Variants in CNTNAP5 observed in about 807,000 individuals in gnomAD.
The protein encoded by CNTNAP5 is contactin-associated protein-like 5.
Under a neutral mutation model 150.2 loss-of-function variants are expected in CNTNAP5, and 72 were observed. The ratio of observed to expected loss-of-function variants is 0.48; its 90% CI spans 0.40 to 0.58. The LOEUF is 0.58. Ranked by LOEUF, CNTNAP5 falls within the 20% of genes least tolerant of loss-of-function variation. CNTNAP5 has a pLI of 0.00. For missense variants in CNTNAP5, 1,636 were observed against 1,626.2 expected (o/e 1.01, Z -0.10); for synonymous variants, 672 against 619.8 (o/e 1.08, Z -1.25).
In CNTNAP5 at chr2:124,853,512, C is replaced by T. The variant is rs140518446; in HGVS notation, c.3218-11794C>T. ...GCTCCACTGTCCTACAGTTCTACAG[C>T]TTCAGGTACGGTGAGATCCAGCTAC... On this transcript the variant is annotated intron_variant, in intron 19 of 23. Coordinates refer to ENST00000682447, the MANE Select transcript of CNTNAP5 (RefSeq NM_001367498.1). Among the ~76,000 whole-genome samples, 543 of 152,302 alleles carry T rather than the reference C, an allele frequency of 3.6e-3. 1 individual carries two copies. The highest frequency in any genetic ancestry group is 6.8e-3 in the Middle Eastern group (2 of 294).
chr2:124,337,567 G>A (rs1689505224), intron 3 of CNTNAP5, among the ~76,000 whole-genome samples: 1 of 152,240 alleles, frequency 6.6e-6, no homozygotes, highest in African/African-American at 2.4e-5. Context: ...GTAAGGAAGG[G>A]ATCCAGTTTC....
chr2:124,906,765 T>C (rs965676385), intron 22 of CNTNAP5, among the ~76,000 whole-genome samples: 1 of 152,092 alleles, frequency 6.6e-6, no homozygotes, highest in Non-Finnish European at 1.5e-5. Context: ...TTTCTATCTA[T>C]CTACTCTTCC....
At chr2:124,279,784 T>C (rs900735978) in intron 3 of CNTNAP5, among the ~76,000 whole-genome samples, 1 of 152,080 alleles carries the variant, frequency 6.6e-6, no homozygotes, top group Non-Finnish European at 1.5e-5. Flanking sequence ...TTGATGAGCT[T>C]GTGTGGTTTC....
chr2:124,837,821 C>T (rs1682861674), intron 19 of CNTNAP5, among the ~76,000 whole-genome samples: 1 of 152,138 alleles, frequency 6.6e-6, no homozygotes, highest in South Asian at 2.1e-4. Flanking sequence ...TCTTTGGCTG[C>T]TGCCTACATA....
At chr2:124,651,397 T>A (rs747295287) in intron 13 of CNTNAP5, among the ~76,000 whole-genome samples, 4 of 152,208 alleles carry the variant, frequency 2.6e-5, no homozygotes, top group African/African-American at 9.6e-5. Context: ...AATATTTAAA[T>A]GGCCAATAAT....
intron 3 of CNTNAP5, among the ~76,000 whole-genome samples, chr2:124,371,023 G>A (rs1051713675): frequency 6.6e-6 from 1 of 151,992 alleles, no homozygotes; most frequent in Non-Finnish European, 1.5e-5. Flanking sequence ...AGCGGAGACT[G>A]TTTGTGCAGA....
intron 12 of CNTNAP5, among the ~76,000 whole-genome samples, chr2:124,618,665 C>A (rs764314701): frequency 2.0e-5 from 3 of 152,096 alleles, no homozygotes; most frequent in Non-Finnish European, 4.4e-5. Flanking sequence ...TTTTAGTCAG[C>A]CTTCCTGCGC....
intron 17 of CNTNAP5, among the ~76,000 whole-genome samples, chr2:124,775,089 C>A (rs539883947): frequency 6.6e-6 from 1 of 152,200 alleles, no homozygotes; most frequent in African/African-American, 2.4e-5. Flanking sequence ...TTGAATTTGT[C>A]TTAATGTACT....
chr2:124,134,429 A>G (rs2901197), intron 1 of CNTNAP5, among the ~76,000 whole-genome samples: 45,497 of 151,982 alleles, frequency 0.3, 7,400 homozygotes, highest in Admixed American at 0.38. Flanking sequence ...GACAGAAACT[A>G]TGGAGTCTAT....
At chr2:124,390,244 T>TC (rs1691075837) in intron 3 of CNTNAP5, among the ~76,000 whole-genome samples, 1 of 152,224 alleles carries the variant, frequency 6.6e-6, no homozygotes, top group Non-Finnish European at 1.5e-5. Context: ...TAAATTTTTC[T>TC]TTGTGATTTT....
chr2:124,256,879 T>C (rs1270556539), intron 3 of CNTNAP5, among the ~76,000 whole-genome samples: 1 of 152,174 alleles, frequency 6.6e-6, no homozygotes, highest in Admixed American at 6.5e-5. Context: ...TGTGATGTTA[T>C]GTAGGAATAA....
chr2:124,919,522 G>A lies in CNTNAP5; in HGVS notation c.*5234G>A, dbSNP rs1678832451. On this transcript the variant is annotated 3_prime_UTR_variant, in exon 24 of 24. Transcript: ENST00000682447. Reference sequence around the variant, plus strand: ...TGACGAGGAGGAAGAGGGGCCAGTGGCAGTAATTGGTGGCCATCTGAGGTG... The same window carrying A: ...TGACGAGGAGGAAGAGGGGCCAGTGACAGTAATTGGTGGCCATCTGAGGTG... Among the ~76,000 whole-genome samples, 1 of 152,060 alleles carries A rather than the reference G, an allele frequency of 6.6e-6. No homozygotes were observed.
At position 124,319,922 on chromosome 2, in the gene CNTNAP5, T is replaced by G. The variant is rs1689058051; in HGVS notation, c.381+77529T>G. On this transcript the variant is annotated intron_variant, in intron 3 of 23. Transcript: ENST00000682447. ...ATAACTATATATTAAAAGGCATGCATAGAATTTTTTGTTATTCTTTGTTTA... is the reference window on the plus strand; with the variant it reads ...ATAACTATATATTAAAAGGCATGCAGAGAATTTTTTGTTATTCTTTGTTTA... Among the ~76,000 whole-genome samples, 3 of 152,378 alleles carry G rather than the reference T, an allele frequency of 2.0e-5. 1 individual carries two copies. The South Asian group carries it at 6.2e-4, about 32-fold the overall frequency.
At chr2:124,159,158 CACTT>C (rs1684615342) in intron 1 of CNTNAP5, among the ~76,000 whole-genome samples, 2 of 152,180 alleles carry the variant, frequency 1.3e-5, no homozygotes, top group South Asian at 4.1e-4. Context: ...ATATAAAACT[CACTT>C]AATGTAAAAA....
At chr2:124,356,369 C>G (rs1313277112) in intron 3 of CNTNAP5, among the ~76,000 whole-genome samples, 4 of 149,484 alleles carry the variant, frequency 2.7e-5, no homozygotes, top group Non-Finnish European at 5.9e-5. Context: ...AGGTTAGTTA[C>G]ATATGTATAC....
intron 3 of CNTNAP5, among the ~76,000 whole-genome samples, chr2:124,278,357 T>C (rs1202372931): frequency 6.6e-6 from 1 of 152,132 alleles, no homozygotes; most frequent in Non-Finnish European, 1.5e-5. Flanking sequence ...AGGCATTTGC[T>C]CCTATAGAGA....
chr2:124,576,335 A>T (rs963277805), intron 11 of CNTNAP5, among the ~76,000 whole-genome samples: 2 of 152,130 alleles, frequency 1.3e-5, no homozygotes, highest in Non-Finnish European at 2.9e-5. Context: ...CCTGGCAATC[A>T]TTCCCTTGTT....
At chr2:124,286,971 A>C (rs1688169907) in intron 3 of CNTNAP5, among the ~76,000 whole-genome samples, 2 of 152,172 alleles carry the variant, frequency 1.3e-5, no homozygotes, top group Admixed American at 6.5e-5. Context: ...CTGTGCCCTG[A>C]ACCCAAGTCT....
At chr2:124,650,184 G>C (rs1678289683) in intron 13 of CNTNAP5, among the ~76,000 whole-genome samples, 1 of 152,180 alleles carries the variant, frequency 6.6e-6, no homozygotes, top group Admixed American at 6.5e-5. Flanking sequence ...AGATAAAGGA[G>C]AACAATGGGT....
Sources: gnomAD v4.1 joint callset for allele counts (sites outside exome capture counted in the v4.1 genomes callset) on GRCh38, gnomAD v4.1.1 for gene constraint, MANE v1.5 for transcripts, NCBI Gene and HGNC (gene_info 2026-07-23, HGNC 2026-07-21) for gene names.